Variants in TRIM5 observed in about 807,000 individuals in gnomAD.
The protein encoded by TRIM5 is tripartite motif-containing protein 5.
Under a neutral mutation model 35.6 loss-of-function variants are expected in TRIM5, and 31 were observed. That is an observed-to-expected ratio of 0.87 (90% confidence interval 0.65 to 1.18). The LOEUF (loss-of-function observed/expected upper bound fraction) is 1.18. TRIM5 is among the 50% of genes most tolerant of loss of function. The probability of loss-of-function intolerance (pLI) is 0.00; values close to 1 mark genes in which losing one functional copy is unlikely to be tolerated. For synonymous variants in TRIM5, 243 were observed against 215.6 expected (o/e 1.13, Z -1.11); for missense variants, 609 against 591.6 (o/e 1.03, Z -0.31).
chr11:5,673,636 T>G (rs554581325), intron 4 of TRIM5, among the ~76,000 whole-genome samples: 1 of 152,262 alleles, frequency 6.6e-6, no homozygotes, highest in East Asian at 1.9e-4. Context: ...TCTTTTCAAA[T>G]GCATATAAAA....
chr11:5,631,602 A>T, the TRIM5 span, among the ~76,000 whole-genome samples: 6 of 152,198 alleles, frequency 3.9e-5, no homozygotes, highest in East Asian at 1.2e-3. Flanking sequence ...AGGGCATGGG[A>T]GGATTTTGTG....
At chr11:5,669,593 G>C (rs970666480) in intron 4 of TRIM5, among the ~76,000 whole-genome samples, 2 of 151,930 alleles carry the variant, frequency 1.3e-5, no homozygotes, top group Non-Finnish European at 2.9e-5. Context: ...CTTTTATGTT[G>C]TATGTAACAT....
At chr11:5,639,661 C>T in the TRIM5 span, among the ~76,000 whole-genome samples, 2 of 106,592 alleles carry the variant, frequency 1.9e-5, no homozygotes, top group Non-Finnish European at 3.4e-5. Flanking sequence ...GCCTGGGTGA[C>T]AGAGTGAGAC....
intron 4 of TRIM5, 112 bp from the exon 5 acceptor site, chr11:5,667,823 G>C: frequency 8.4e-7 from 1 of 1,187,020 alleles, no homozygotes; most frequent in Non-Finnish European, 1.2e-6. Flanking sequence ...GATGGTGACA[G>C]TGTGAAAGAC....
chr11:5,646,275 G>C, the TRIM5 span, among the ~76,000 whole-genome samples: 19 of 151,864 alleles, frequency 1.3e-4, no homozygotes. Flanking sequence ...TCATAATATT[G>C]ACTATATGCA....
intron 1 of TRIM5, among the ~76,000 whole-genome samples, chr11:5,681,681 C>T (rs1044761527): frequency 7.3e-6 from 1 of 137,386 alleles, no homozygotes; most frequent in Non-Finnish European, 1.5e-5. Context: ...AGGTCCTAAT[C>T]GATTCCTTCG....
chr11:5,639,106 A>G, the TRIM5 span, among the ~76,000 whole-genome samples: 1 of 152,130 alleles, frequency 6.6e-6, no homozygotes, highest in East Asian at 1.9e-4. Flanking sequence ...TGCTTTTATT[A>G]TTCGATCAGA....
chr11:5,608,847 ATTTTTT>A, the TRIM5 span, among the ~76,000 whole-genome samples: 68 of 101,894 alleles, frequency 6.7e-4, 1 homozygote, highest in Middle Eastern at 8.2e-3. Context: ...TTGCCCATAA[ATTTTTT>A]TTTTTTTTTT....
rs965102905 is a variant in TRIM5, at chr11:5,663,540, A to C, written c.*1269T>G. On this transcript the variant is annotated 3_prime_UTR_variant, in exon 8 of 8. Transcript: ENST00000380034. ...ATAATTTGTAGAACAAGTACTTATT[A>C]GATCAAGACACTTAGATAGATGCTT... 11 of 978,166 alleles carry C rather than the reference A, an allele frequency of 1.1e-5. No individual in the cohort carries two copies. The African/African-American group carries it at 1.9e-4, about 17-fold the overall frequency. The allele number at this position is 978,166 out of a possible 1,614,324, so 60.6% of individuals were successfully genotyped here. A position where few individuals can be genotyped will look rare whatever the true frequency, so the allele number is the denominator to read the frequency against.
At chr11:5,605,813 C>G in the TRIM5 span, among the ~76,000 whole-genome samples, 1 of 152,206 alleles carries the variant, frequency 6.6e-6, no homozygotes, top group South Asian at 2.1e-4. Context: ...TTATTTGATG[C>G]TGTGGAGAAG....
the TRIM5 span, among the ~76,000 whole-genome samples, chr11:5,652,664 A>C: frequency 1.3e-5 from 2 of 151,954 alleles, no homozygotes; most frequent in Non-Finnish European, 2.9e-5. Context: ...TTTTTATTTC[A>C]TATGAATTTT....
At position 5,664,607 on chromosome 11, in the gene TRIM5, T is replaced by C. The variant is rs61303135; in HGVS notation, c.*202A>G. 9.6e-4 allele frequency: 1,252 copies of C among 1,304,172 alleles called. 10 individuals carry two copies. The African/African-American group carries it at 0.016, about 17-fold the overall frequency. The allele number at this position is 1,304,172 out of a possible 1,614,324, so 80.8% of individuals were successfully genotyped here. Reference sequence around the variant, plus strand: ...GGAGTACGGAAAATGATGAAAAAAATTGCTATCAAATGTCAATAAAATATT... The same window carrying C: ...GGAGTACGGAAAATGATGAAAAAAACTGCTATCAAATGTCAATAAAATATT... On this transcript the variant is annotated 3_prime_UTR_variant, in exon 8 of 8. Transcript: ENST00000380034.
At chr11:5,611,870 T>G in the TRIM5 span, 1 of 152,810 alleles carries the variant, frequency 6.5e-6, no homozygotes, top group Non-Finnish European at 1.5e-5. Context: ...ATTTTGCCAT[T>G]AAGCATAGTA....
At chr11:5,643,370 T>C in the TRIM5 span, 2 of 1,613,980 alleles carry the variant, frequency 1.2e-6, no homozygotes, top group African/African-American at 2.7e-5. Flanking sequence ...ATATGAAGTA[T>C]GTTGTTAGAA....
At chr11:5,592,370 T>G in the TRIM5 span, among the ~76,000 whole-genome samples, 25,467 of 152,070 alleles carry the variant, frequency 0.17, 2,499 homozygotes, top group Middle Eastern at 0.31. Flanking sequence ...TCACAATAAC[T>G]CTATGCAGTA....
At chr11:5,629,856 C>T in the TRIM5 span, among the ~76,000 whole-genome samples, 682 of 152,214 alleles carry the variant, frequency 4.5e-3, 8 homozygotes, top group African/African-American at 0.016. Flanking sequence ...TACAGGCGCC[C>T]GCCGCCACCC....
At chr11:5,605,175 G>A in the TRIM5 span, 9 of 946,170 alleles carry the variant, frequency 9.5e-6, no homozygotes, top group African/African-American at 6.5e-5. Flanking sequence ...AGAAAAGAAG[G>A]AAAGAACAGG....
chr11:5,611,600 CCCA>C, the TRIM5 span: 1 of 398,814 alleles, frequency 2.5e-6, no homozygotes, highest in Non-Finnish European at 4.5e-6. Context: ...ATTACAGGCA[CCCA>C]CCACCATGCC....
At chr11:5,682,389 G>A (rs939882233) in intron 1 of TRIM5, among the ~76,000 whole-genome samples, 1 of 152,116 alleles carries the variant, frequency 6.6e-6, no homozygotes, top group Non-Finnish European at 1.5e-5. Flanking sequence ...GGAGGAGCAA[G>A]GTTAATGATT....
Sources: gnomAD v4.1 joint callset for allele counts (sites outside exome capture counted in the v4.1 genomes callset) on GRCh38, gnomAD v4.1.1 for gene constraint, MANE v1.5 for transcripts, NCBI Gene and HGNC (gene_info 2026-07-23, HGNC 2026-07-21) for gene names.